Variants in AMZ1 observed in about 807,000 individuals in gnomAD.
The protein encoded by AMZ1 is archaelysin family metallopeptidase 1.
A neutral mutation model predicts 29.9 loss-of-function variants in AMZ1; 39 were observed. That is an observed-to-expected ratio of 1.30 (90% confidence interval 1.01 to 1.70). The LOEUF is 1.70. Ranked by LOEUF, AMZ1 falls within the 40% of genes most tolerant of loss-of-function variation. The pLI is 0.00. For synonymous variants in AMZ1, 458 were observed against 304.0 expected, an observed-to-expected ratio of 1.51 and a Z score of -5.27; for missense variants, 1,041 against 680.6, an observed-to-expected ratio of 1.53 and a Z score of -5.89.
At chr7:2,750,632 T>TC (rs1790987191) in intron 4 of AMZ1, among the ~76,000 whole-genome samples, 1 of 152,198 alleles carries the variant, frequency 6.6e-6, no homozygotes, top group Non-Finnish European at 1.5e-5. Context: ...ACTGTATTCA[T>TC]CCCCTTTTGG....
At chr7:2,693,999 A>G (rs1191196900) in intron 1 of AMZ1, among the ~76,000 whole-genome samples, 1 of 150,438 alleles carries the variant, frequency 6.6e-6, no homozygotes. Flanking sequence ...ATGTTGGAAA[A>G]CCCCCAGCAC....
Position 2,690,690 on chromosome 7 carries a change from G to A in AMZ1, c.-219+2394G>A, listed in dbSNP as rs183175746. ...CTCTGTGGTCGTGGCTCCTCTGTGC[G>A]TGTGCTCTGGTCCCCTGCAAAACTT... On this transcript the variant is annotated intron_variant, in intron 1 of 6. Transcript: ENST00000683327. Among the ~76,000 whole-genome samples, 13 of 152,220 alleles carry A rather than the reference G, an allele frequency of 8.5e-5. No individual in the cohort carries two copies. In the East Asian group the frequency reaches 2.5e-3, roughly 29 times the overall value.
At chr7:2,738,831 TTTTG>T (rs1304202147) in intron 4 of AMZ1, among the ~76,000 whole-genome samples, 6 of 152,188 alleles carry the variant, frequency 3.9e-5, no homozygotes, top group South Asian at 2.1e-4. Context: ...CTGTTTTTTA[TTTTG>T]TTTGTTTTTT....
chr7:2,702,831 G>A lies in AMZ1; in HGVS notation c.414G>A (p.Ala138=), dbSNP rs569925759. 10 of 1,572,530 alleles carry A rather than the reference G, an allele frequency of 6.4e-6. No homozygotes were observed. The highest frequency in any genetic ancestry group is 1.3e-5 in the African/African-American group (1 of 74,112). Reference sequence around the variant, plus strand: ...AGTGCCTGCCGTCGGTGGCAGCCGCGTCCATCCGCTGCTCCTCGCGGCCCA... The same window carrying A: ...AGTGCCTGCCGTCGGTGGCAGCCGCATCCATCCGCTGCTCCTCGCGGCCCA... ...RVKCLPSVAA[A]SIRCSSRPSR... is the part of the protein sequence containing the mutation. The change falls in exon 3 of 7, where the codon GCG becomes GCA. Residue 138 remains alanine, a synonymous_variant. Coordinates refer to ENST00000683327, the MANE Select transcript of AMZ1 (RefSeq NM_001384743.1).
chr7:2,765,087 T>G (rs192726247), intron 1 of AMZ1: 16 of 151,964 alleles, frequency 1.1e-4, no homozygotes, highest in Admixed American at 7.9e-4. Context: ...CCCCAAATTT[T>G]AATCCTTGAC....
intron 4 of AMZ1, among the ~76,000 whole-genome samples, chr7:2,727,754 CATT>C (rs757314014): frequency 2.6e-5 from 4 of 152,214 alleles, no homozygotes; most frequent in Non-Finnish European, 5.9e-5. Context: ...CTTCAAATAA[CATT>C]AGGATTAGAG....
upstream of AMZ1, among the ~76,000 whole-genome samples, chr7:2,684,407 C>T (rs1257503966): frequency 2.0e-5 from 3 of 152,164 alleles, no homozygotes; most frequent in Non-Finnish European, 4.4e-5. Context: ...CGCTATGTAA[C>T]CCACCCTGGG....
At chr7:2,723,907 T>C (rs546974009), downstream of AMZ1, among the ~76,000 whole-genome samples, 16 of 152,280 alleles carry the variant, frequency 1.1e-4, no homozygotes, top group African/African-American at 3.9e-4. Context: ...TCGACTGGAC[T>C]TCTGGCCAGA....
chr7:2,707,622 G>C (rs1202053678), intron 3 of AMZ1, among the ~76,000 whole-genome samples: 1 of 152,028 alleles, frequency 6.6e-6, no homozygotes, highest in Non-Finnish European at 1.5e-5. Context: ...ACAGTGCTGT[G>C]GGTCAGGAGC....
chr7:2,727,352 T>A (rs1789665620), intron 4 of AMZ1, among the ~76,000 whole-genome samples: 2 of 152,148 alleles, frequency 1.3e-5, no homozygotes, highest in South Asian at 4.1e-4. Context: ...AGTGCTGGGA[T>A]TACAGGCATG....
chr7:2,700,604 G>A lies in AMZ1; in HGVS notation c.153G>A (p.Gln51=). 2.5e-6 allele frequency: 4 copies of A among 1,610,596 alleles called. 1 individual carries two copies. Among genetic ancestry groups the A allele is most frequent in the Middle Eastern group, 1.6e-4 (1 of 6,062 alleles). Residue 51 remains glutamine (Q), a synonymous_variant, in exon 2 of 7, where the codon CAG becomes CAA. Transcript: ENST00000683327. ...RLFLAEAYNP[Q]RTLFCTLLIR... ...TCCTGGCCGAGGCCTACAACCCGCA[G>A]AGGACGCTCTTCTGCACCCTGCTCA...
upstream of AMZ1, among the ~76,000 whole-genome samples, chr7:2,683,905 T>C (rs1297966512): frequency 6.6e-6 from 1 of 151,632 alleles, no homozygotes; most frequent in Non-Finnish European, 1.5e-5. Flanking sequence ...TGGCTGGGTG[T>C]AGTGGCTCAT....
intron 3 of AMZ1, among the ~76,000 whole-genome samples, 156 bp from the exon 4 acceptor site, chr7:2,708,432 T>C (rs1045034800): frequency 1.3e-5 from 2 of 152,184 alleles, no homozygotes; most frequent in African/African-American, 4.8e-5. Context: ...CAGTACTGTG[T>C]GCCCTCAGGT....
rs1454399317 is a variant in AMZ1, at chr7:2,709,682, T to G, written c.814T>G (p.Cys272Gly). 3 of 1,610,612 alleles carry G rather than the reference T, an allele frequency of 1.9e-6. No homozygotes were observed. The highest frequency in any genetic ancestry group is 2.7e-5 in the African/African-American group (2 of 74,864). The change falls in exon 6 of 7, where the codon TGC becomes GGC. Residue 272 changes from cysteine (C) to glycine (G), a missense_variant. By Grantham distance (159) the Cys-to-Gly change is radical (BLOSUM62 -3). Transcript: ENST00000683327. ...CTGCCACCTTCTGGGCCTGGGGAAC[T>G]GCCGCTGGCTCCGCTGCCTCATGCA... The part of the protein sequence containing the change: ...ELCHLLGLGN[C>G]RWLRCLMQGA...
At position 2,717,064 on chromosome 7, in the gene AMZ1, A is replaced by C. The variant is rs1482498866; in HGVS notation, c.*4186A>C. 5.9e-5 allele frequency among the ~76,000 whole-genome samples: 9 copies of C among 152,182 alleles called. No individual in the cohort carries two copies. On this transcript the variant is annotated 3_prime_UTR_variant, in exon 7 of 7. Transcript: ENST00000683327. ...GCACCCTGATCCCTGAGCAGCCCCC[A>C]CACACCGGCACCCACGCCCCTCGGT...
At chr7:2,744,093 G>A (rs1234738732) in intron 4 of AMZ1, among the ~76,000 whole-genome samples, 1 of 152,232 alleles carries the variant, frequency 6.6e-6, no homozygotes, top group East Asian at 1.9e-4. Flanking sequence ...CCCTCTGGGG[G>A]CAGGGCACAG....
At chr7:2,726,284 T>C (rs1167993156) in intron 4 of AMZ1, among the ~76,000 whole-genome samples, 1 of 152,180 alleles carries the variant, frequency 6.6e-6, no homozygotes, top group African/African-American at 2.4e-5. Context: ...TGAGAAGACC[T>C]TGGTGGCACG....
intron 3 of AMZ1, 80 bp from the exon 4 acceptor site, chr7:2,708,508 T>C: frequency 1.9e-6 from 3 of 1,584,552 alleles, no homozygotes; most frequent in Non-Finnish European, 2.6e-6. Context: ...AGGAAGAGGA[T>C]GACGGGGTGC....
Position 2,709,959 on chromosome 7 carries a change from C to A in AMZ1, c.948+143C>A, listed in dbSNP as rs567811203. On this transcript the variant is annotated intron_variant, in intron 6 of 6. Coordinates refer to ENST00000683327, the MANE Select transcript of AMZ1 (RefSeq NM_001384743.1). ...TTCCAGGCAGTGCAGAGCCCTGGGA[C>A]CTGCGCTGGGGTTGAGCTCCATCCG... The A allele has an allele frequency of 1.6e-5, 19 of 1,172,102 alleles. No individual in the cohort carries two copies. The African/African-American group carries it at 2.5e-4, about 15-fold the overall frequency. The allele number at this position is 1,172,102 out of a possible 1,614,324, so 72.6% of individuals were successfully genotyped here.
Sources: allele counts gnomAD v4.1 joint callset (sites outside exome capture counted in the v4.1 genomes callset), GRCh38; gene constraint gnomAD v4.1.1; transcripts MANE v1.5; gene names NCBI Gene and HGNC (gene_info 2026-07-23, HGNC 2026-07-21).